Variants in SUGCT observed in about 807,000 individuals in gnomAD.
The protein encoded by SUGCT is succinyl-CoA:glutarate-CoA transferase.
In SUGCT, 41 loss-of-function variants were observed where a neutral mutation model predicts 55.0. The observed-to-expected ratio is 0.74, with a 90% confidence interval of 0.58 to 0.97. SUGCT has a LOEUF of 0.97. SUGCT is among the 50% of genes least tolerant of loss of function. The probability of loss-of-function intolerance (pLI) is 0.00; values close to 1 mark genes in which losing one functional copy is unlikely to be tolerated. For missense variants in SUGCT, 568 were observed against 547.8 expected (o/e 1.04, Z -0.37); for synonymous variants, 187 against 200.4 (o/e 0.93, Z 0.56).
In SUGCT at chr7:40,575,128, G is replaced by GGGT. The variant is rs1796669379; in HGVS notation, c.1089+78745_1089+78747dup. Among the ~76,000 whole-genome samples, 3 of 147,880 alleles carry GGGT rather than the reference G, an allele frequency of 2.0e-5. No individual in the cohort carries two copies. The East Asian group carries it at 5.9e-4, about 29-fold the overall frequency. On this transcript the variant is annotated intron_variant, in intron 12 of 13. Coordinates refer to ENST00000335693, the MANE Select transcript of SUGCT (RefSeq NM_001193313.2). ...GTGGGCAGGAGGGTGGCGGGGGTGG[G>GGGT]GGTGGAGATGGGTGAAGTTTTGGAG...
At chr7:40,159,719 G>C (rs557914325) in intron 1 of SUGCT, among the ~76,000 whole-genome samples, 2 of 152,228 alleles carry the variant, frequency 1.3e-5, no homozygotes, top group East Asian at 3.9e-4. Flanking sequence ...CTGAGAGATA[G>C]GAAGGCAGGA....
At chr7:40,160,955 C>T (rs979035044) in intron 1 of SUGCT, among the ~76,000 whole-genome samples, 5 of 151,914 alleles carry the variant, frequency 3.3e-5, no homozygotes, top group Non-Finnish European at 5.9e-5. Flanking sequence ...ATTATATATA[C>T]CCTTTTTGGT....
At chr7:40,272,372 C>T (rs1032753319) in intron 7 of SUGCT, among the ~76,000 whole-genome samples, 6 of 149,076 alleles carry the variant, frequency 4.0e-5, no homozygotes, top group African/African-American at 1.5e-4. Flanking sequence ...GAGACAGGGT[C>T]TTACTCTGTC....
intron 12 of SUGCT, among the ~76,000 whole-genome samples, chr7:40,709,305 C>T (rs911397477): frequency 6.6e-5 from 10 of 152,216 alleles, no homozygotes; most frequent in African/African-American, 2.4e-4. Flanking sequence ...TAAGTAATTA[C>T]ACAACAATTA....
At chr7:40,933,574 TA>T in the SUGCT span, among the ~76,000 whole-genome samples, 8 of 152,300 alleles carry the variant, frequency 5.3e-5, no homozygotes, top group African/African-American at 1.9e-4. Context: ...GTATACCAAT[TA>T]AATGTAGATT....
chr7:40,982,363 G>A, the SUGCT span, among the ~76,000 whole-genome samples: 2 of 152,136 alleles, frequency 1.3e-5, no homozygotes, highest in African/African-American at 4.8e-5. Context: ...TGTATCTGTT[G>A]AAACTAAAAA....
chr7:40,547,939 A>G (rs1795082242), intron 12 of SUGCT, among the ~76,000 whole-genome samples: 1 of 152,086 alleles, frequency 6.6e-6, no homozygotes, highest in African/African-American at 2.4e-5. Flanking sequence ...AGAGCTTTGC[A>G]CATGTCTGTT....
At chr7:40,419,745 T>C (rs1456349006) in intron 9 of SUGCT, among the ~76,000 whole-genome samples, 1 of 152,214 alleles carries the variant, frequency 6.6e-6, no homozygotes, top group Admixed American at 6.5e-5. Context: ...GTTCTATTCA[T>C]TGACTTGGAG....
intron 13 of SUGCT, among the ~76,000 whole-genome samples, chr7:40,825,037 T>C (rs1442446175): frequency 6.6e-6 from 1 of 152,168 alleles, no homozygotes; most frequent in Non-Finnish European, 1.5e-5. Flanking sequence ...TGTCTTGCAA[T>C]GCCACCATCT....
intron 11 of SUGCT, among the ~76,000 whole-genome samples, chr7:40,478,888 G>A (rs1021086362): frequency 6.6e-6 from 1 of 151,758 alleles, no homozygotes; most frequent in Non-Finnish European, 1.5e-5. Flanking sequence ...AAATCAAATC[G>A]ATTCGATATA....
At chr7:40,209,238 C>T (rs912700788) in intron 6 of SUGCT, among the ~76,000 whole-genome samples, 1 of 152,208 alleles carries the variant, frequency 6.6e-6, no homozygotes, top group African/African-American at 2.4e-5. Context: ...TGGCGTGACT[C>T]ATGCCTGTAA....
At chr7:40,383,155 C>T (rs1784954162) in intron 9 of SUGCT, among the ~76,000 whole-genome samples, 1 of 152,168 alleles carries the variant, frequency 6.6e-6, no homozygotes, top group African/African-American at 2.4e-5. Flanking sequence ...TGAAGATAGA[C>T]TAAGAGTTAC....
intron 8 of SUGCT, among the ~76,000 whole-genome samples, chr7:40,289,140 A>T (rs569255185): frequency 4.6e-5 from 7 of 152,326 alleles, no homozygotes; most frequent in African/African-American, 1.7e-4. Context: ...TGGTAAAGGG[A>T]ACATCATAGA....
chr7:40,437,904 A>G (rs150250416), intron 9 of SUGCT, among the ~76,000 whole-genome samples: 5 of 152,244 alleles, frequency 3.3e-5, no homozygotes, highest in African/African-American at 9.6e-5. Context: ...TGAAGTAGAC[A>G]TACTACAAAT....
intron 9 of SUGCT, 98 bp downstream of exon 9, chr7:40,316,953 C>CGTTTTTTT: frequency 5.4e-6 from 1 of 183,582 alleles, no homozygotes; most frequent in Non-Finnish European, 1.0e-5. Context: ...AATCCTTCAG[C>CGTTTTTTT]TGTTTTTTTT....
intron 10 of SUGCT, among the ~76,000 whole-genome samples, chr7:40,450,575 G>A (rs749992015): frequency 5.9e-5 from 9 of 151,994 alleles, no homozygotes; most frequent in East Asian, 1.9e-4. Flanking sequence ...AGGAGTTCTC[G>A]ACCAGCCTGA....
intron 1 of SUGCT, among the ~76,000 whole-genome samples, chr7:40,147,375 G>A (rs571506732): frequency 1.3e-5 from 2 of 152,084 alleles, no homozygotes; most frequent in Non-Finnish European, 2.9e-5. Flanking sequence ...CCTTCAATGG[G>A]GATTTCTCAC....
At chr7:40,554,621 G>GGT (rs1159553293) in intron 12 of SUGCT, among the ~76,000 whole-genome samples, 1 of 152,146 alleles carries the variant, frequency 6.6e-6, no homozygotes, top group Non-Finnish European at 1.5e-5. Flanking sequence ...TTACAGAAGA[G>GGT]GTGTGTTGTA....
intron 1 of SUGCT, among the ~76,000 whole-genome samples, chr7:40,150,951 T>C (rs112919596): frequency 0.056 from 8,511 of 151,936 alleles, 734 homozygotes; most frequent in African/African-American, 0.19. Context: ...GAAAGTTTTA[T>C]CTTGGCTGGG....
Sources: allele counts gnomAD v4.1 joint callset (sites outside exome capture counted in the v4.1 genomes callset), GRCh38; gene constraint gnomAD v4.1.1; transcripts MANE v1.5; gene names NCBI Gene and HGNC (gene_info 2026-07-23, HGNC 2026-07-21).